Variants in AZIN2 observed in about 807,000 individuals in gnomAD.
The protein encoded by AZIN2 is antizyme inhibitor 2.
In AZIN2, 28 loss-of-function variants were observed where a neutral mutation model predicts 47.8. That is an observed-to-expected ratio of 0.59 (90% CI 0.43 to 0.80). The LOEUF (loss-of-function observed/expected upper bound fraction) is 0.80, where lower values mean the gene tolerates loss of function less well. Ranked by LOEUF, AZIN2 falls within the 30% of genes least tolerant of loss-of-function variation. The pLI is 0.00. For missense variants in AZIN2, 535 were observed against 582.5 expected (o/e 0.92, Z 0.84); for synonymous variants, 221 against 239.4 (o/e 0.92, Z 0.71).
In AZIN2 at chr1:33,096,723, A is replaced by C. The variant is rs763237591; in HGVS notation, c.770A>C (p.Asn257Thr). 22 of 1,614,070 alleles carry C rather than the reference A, an allele frequency of 1.4e-5. No homozygotes were observed. The Admixed American group carries it at 2.8e-4, about 21-fold the overall frequency. Residue 257 changes from asparagine to threonine, a missense_variant, in exon 9 of 12, where the codon AAC becomes ACC. By Grantham distance (65) the Asn-to-Thr change is moderately conservative. Transcript: ENST00000294517. ...VRFEEIASVI[N>T]SALDLYFPEG... ...TCCTACCAGATTGCTTCCGTGATCAACTCAGCCTTGGACCTGTACTTCCCA... is the reference window on the plus strand; with the variant it reads ...TCCTACCAGATTGCTTCCGTGATCACCTCAGCCTTGGACCTGTACTTCCCA...
the AZIN2 span, among the ~76,000 whole-genome samples, chr1:33,136,742 G>A: frequency 6.0e-5 from 9 of 150,096 alleles, no homozygotes; most frequent in Admixed American, 2.0e-4. Flanking sequence ...GCTCACGCCC[G>A]TAATCCCAGC....
the AZIN2 span, among the ~76,000 whole-genome samples, chr1:33,154,696 G>A: frequency 3.3e-5 from 5 of 151,720 alleles, no homozygotes; most frequent in Admixed American, 6.6e-5. Flanking sequence ...TACTTGGGAG[G>A]CCGAGGCAGG....
At chr1:33,124,187 TAAAAA>T (rs374773838), downstream of AZIN2, among the ~76,000 whole-genome samples, 40 of 151,644 alleles carry the variant, frequency 2.6e-4, no homozygotes, top group East Asian at 7.2e-3. The surrounding 1 kb of genome is among the most constrained non-coding windows in gnomAD (Gnocchi z 4.6). Context: ...CAATAAAAAA[TAAAAA>T]AAGAAAATGG....
the AZIN2 span, among the ~76,000 whole-genome samples, chr1:33,130,665 C>A: frequency 1.3e-5 from 2 of 152,118 alleles, no homozygotes; most frequent in African/African-American, 4.8e-5. Context: ...GGTTCTTGAC[C>A]CTCAGAAAGG....
At chr1:33,124,614 G>C (rs1644844129), downstream of AZIN2, among the ~76,000 whole-genome samples, 1 of 152,032 alleles carries the variant, frequency 6.6e-6, no homozygotes, top group Non-Finnish European at 1.5e-5. The surrounding 1 kb of genome is among the most constrained non-coding windows in gnomAD (Gnocchi z 4.6). Flanking sequence ...TTGGTGTGCT[G>C]CACCCATTAA....
intron 5 of AZIN2, among the ~76,000 whole-genome samples, chr1:33,090,704 G>A (rs1245295398): frequency 6.6e-6 from 1 of 152,016 alleles, no homozygotes; most frequent in Non-Finnish European, 1.5e-5. Flanking sequence ...TTTTTGTGGT[G>A]AGAACCCCTA....
intron 10 of AZIN2, among the ~76,000 whole-genome samples, chr1:33,115,972 TG>T (rs1447090713): frequency 6.6e-6 from 1 of 152,150 alleles, no homozygotes; most frequent in East Asian, 1.9e-4. Flanking sequence ...TTTCAATGAG[TG>T]GGGCTAAGGG....
chr1:33,091,808 A>T (rs1455495810), intron 5 of AZIN2, among the ~76,000 whole-genome samples: 1 of 152,026 alleles, frequency 6.6e-6, no homozygotes, highest in Non-Finnish European at 1.5e-5. Context: ...CTGAATGGGA[A>T]CTCCCCACCC....
chr1:33,093,631 A>G (rs1642817814), intron 7 of AZIN2, among the ~76,000 whole-genome samples: 1 of 152,072 alleles, frequency 6.6e-6, no homozygotes, highest in African/African-American at 2.4e-5. Flanking sequence ...TGTCCCAGGA[A>G]GTTCCATCCA....
the AZIN2 span, among the ~76,000 whole-genome samples, chr1:33,136,741 C>T: frequency 5.3e-5 from 8 of 151,320 alleles, no homozygotes; most frequent in East Asian, 8.0e-4. Flanking sequence ...GGCTCACGCC[C>T]GTAATCCCAG....
At chr1:33,157,100 T>C in the AZIN2 span, among the ~76,000 whole-genome samples, 3 of 151,906 alleles carry the variant, frequency 2.0e-5, no homozygotes, top group African/African-American at 7.3e-5. Flanking sequence ...TTCACGTCAC[T>C]TCATGGCTCC....
chr1:33,096,532 C>G (rs995904807), intron 8 of AZIN2, among the ~76,000 whole-genome samples, 175 bp from the exon 9 acceptor site: 1 of 152,304 alleles, frequency 6.6e-6, no homozygotes, highest in Middle Eastern at 3.4e-3. Flanking sequence ...CTCTGTCCCC[C>G]TCCTACCTTC....
At chr1:33,084,542 G>A (rs1641666393) in intron 5 of AZIN2, among the ~76,000 whole-genome samples, 1 of 151,982 alleles carries the variant, frequency 6.6e-6, no homozygotes, top group African/African-American at 2.4e-5. Context: ...CACCAATTCT[G>A]TCTTTCTAAT....
chr1:33,147,438 G>A, the AZIN2 span: 3 of 1,614,030 alleles, frequency 1.9e-6, no homozygotes, highest in Non-Finnish European at 1.7e-6. This position sits in a 1 kb window ranked among gnomAD's most constrained non-coding sequence, Gnocchi z 8.1. Flanking sequence ...CGTGCATCAC[G>A]ATGCAGTAGA....
Position 33,082,202 on chromosome 1 carries a change from C to T in AZIN2, c.-48C>T. 6.7e-7 allele frequency: 1 copy of T among 1,497,234 alleles called. No individual in the cohort carries two copies. The highest frequency in any genetic ancestry group is 9.3e-7 in the Non-Finnish European group (1 of 1,077,328). The allele number at this position is 1,497,234 out of a possible 1,614,324, so 92.7% of individuals were successfully genotyped here. The stretch of plus-strand genomic sequence containing the variant: ...GTGTGTTGCATACTTTCTAAGGCGG[C>T]GGCTGCAGCAGCGGCTCCATCCAGC... On this transcript the variant is annotated 5_prime_UTR_variant, in exon 4 of 12. Transcript: ENST00000294517.
intron 11 of AZIN2, 167 bp from the exon 12 acceptor site, chr1:33,119,877 C>T (rs1380726661): frequency 1.6e-5 from 13 of 807,010 alleles, no homozygotes; most frequent in East Asian, 2.7e-5. Flanking sequence ...GGGGACCACA[C>T]GGGAGTAGGA....
the AZIN2 span, chr1:33,165,738 C>T: frequency 3.5e-5 from 17 of 481,002 alleles, no homozygotes; most frequent in South Asian, 3.7e-5. The surrounding 1 kb of genome is among the most constrained non-coding windows in gnomAD (Gnocchi z 4.0). Flanking sequence ...GTCTCCTAAA[C>T]ACCTCCAGAA....
At position 33,084,039 on chromosome 1, in the gene AZIN2, G is replaced by A. The variant is rs748254897; in HGVS notation, c.191G>A (p.Arg64Gln). Residue 64 changes from arginine to glutamine, a missense_variant, in exon 5 of 12, where the codon CGG (arginine) becomes CAG (glutamine). Transcript: ENST00000294517. ...TTTCTGAAGTGCCTGCCACGAGTCCGGCCCTTTTATGCTGTCAAGTGCAAC... is the reference window on the plus strand; with the variant it reads ...TTTCTGAAGTGCCTGCCACGAGTCCAGCCCTTTTATGCTGTCAAGTGCAAC... ...FCFLKCLPRV[R>Q]PFYAVKCNSS... The A allele has an allele frequency of 3.5e-5, 57 of 1,614,108 alleles. No homozygotes were observed. The South Asian group carries it at 4.7e-4, about 13-fold the overall frequency.
At chr1:33,136,350 C>T in the AZIN2 span, among the ~76,000 whole-genome samples, 2 of 144,078 alleles carry the variant, frequency 1.4e-5, no homozygotes, top group South Asian at 2.2e-4. Flanking sequence ...TTCCTTCTTT[C>T]TCTCTCTCTC....
Sources: gnomAD v4.1 joint callset for allele counts (sites outside exome capture counted in the v4.1 genomes callset) on GRCh38, gnomAD v4.1.1 for gene constraint, Gnocchi (gnomAD v3.1) non-coding constraint, MANE v1.5 for transcripts, NCBI Gene and HGNC (gene_info 2026-07-23, HGNC 2026-07-21) for gene names.